The following NOL4 variants were observed in gnomAD, a reference collection of about 807,000 sequenced individuals.
The protein encoded by NOL4 is cancer/testis antigen 125.
NOL4 carries 17 observed loss-of-function variants against 75.9 expected under a neutral mutation model. The observed-to-expected ratio is 0.22, with a 90% CI of 0.15 to 0.34. The LOEUF (loss-of-function observed/expected upper bound fraction) is 0.34. Among genes scored for constraint, NOL4 ranks in the 10% least tolerant of loss-of-function variants. NOL4 has a pLI of 1.00. For synonymous variants in NOL4, 292 were observed against 289.9 expected, an observed-to-expected ratio of 1.01 and a Z score of -0.07; for missense variants, 614 against 793.5, an observed-to-expected ratio of 0.77 and a Z score of 2.72.
chr18:34,063,571 C>T (rs1451847475), intron 5 of NOL4, among the ~76,000 whole-genome samples: 2 of 152,002 alleles, frequency 1.3e-5, no homozygotes, highest in East Asian at 1.9e-4. Context: ...GGTTTTCGCT[C>T]TTGCACTTAA....
chr18:33,999,564 T>C (rs911881543), intron 6 of NOL4, among the ~76,000 whole-genome samples: 6 of 152,012 alleles, frequency 3.9e-5, no homozygotes, highest in African/African-American at 1.4e-4. Flanking sequence ...TGGGACCAGA[T>C]GTTTCAGAGG....
intron 10 of NOL4, among the ~76,000 whole-genome samples, chr18:33,857,301 C>G (rs1179195236): frequency 3.3e-5 from 5 of 151,966 alleles, no homozygotes; most frequent in Non-Finnish European, 5.9e-5. Flanking sequence ...CCACGCAAAT[C>G]TGCTTGGGAA....
chr18:33,910,760 G>A (rs1429412658), intron 9 of NOL4, among the ~76,000 whole-genome samples: 1 of 152,056 alleles, frequency 6.6e-6, no homozygotes, highest in East Asian at 1.9e-4. Context: ...AACTCATTTT[G>A]GGGGTTTTGG....
At chr18:33,891,367 T>C (rs2065084016) in intron 9 of NOL4, among the ~76,000 whole-genome samples, 1 of 152,086 alleles carries the variant, frequency 6.6e-6, no homozygotes, top group Non-Finnish European at 1.5e-5. Flanking sequence ...TTTCTTCTAT[T>C]TTACACTTAT....
chr18:34,222,798 CAA>C (rs2037413914), intron 1 of NOL4, among the ~76,000 whole-genome samples, 190 bp downstream of exon 1: 1 of 152,120 alleles, frequency 6.6e-6, no homozygotes, highest in Non-Finnish European at 1.5e-5. Flanking sequence ...TAAAGGACCA[CAA>C]AGACTGTACA....
intron 5 of NOL4, among the ~76,000 whole-genome samples, chr18:34,060,421 A>G (rs2077023461): frequency 6.6e-6 from 1 of 152,178 alleles, no homozygotes; most frequent in Non-Finnish European, 1.5e-5. Context: ...ACTTATTTAC[A>G]TATCCCAACC....
chr18:34,118,910 A>G (rs1334577862), intron 2 of NOL4, among the ~76,000 whole-genome samples: 1 of 152,214 alleles, frequency 6.6e-6, no homozygotes, highest in Non-Finnish European at 1.5e-5. Flanking sequence ...GACATTTTCA[A>G]CTACATATTT....
At chr18:34,133,475 TTAATA>T (rs1332511872) in intron 1 of NOL4, among the ~76,000 whole-genome samples, 3 of 151,664 alleles carry the variant, frequency 2.0e-5, no homozygotes, top group Middle Eastern at 3.2e-3. Context: ...ATAATACAAA[TTAATA>T]TAATGTAATG....
At chr18:34,108,399 T>A (rs2079416164) in intron 2 of NOL4, among the ~76,000 whole-genome samples, 1 of 151,196 alleles carries the variant, frequency 6.6e-6, no homozygotes, top group Admixed American at 6.6e-5. Flanking sequence ...AAAGTCAGAG[T>A]GGCTAAATGA....
chr18:34,217,913 C>T (rs547863201), intron 1 of NOL4, among the ~76,000 whole-genome samples: 2 of 152,024 alleles, frequency 1.3e-5, no homozygotes, highest in Admixed American at 1.3e-4. Context: ...TTAGCCGACC[C>T]AGAACTCCAG....
chr18:33,992,448 T>C (rs2072991237), intron 6 of NOL4, among the ~76,000 whole-genome samples: 3 of 151,984 alleles, frequency 2.0e-5, no homozygotes, highest in Non-Finnish European at 4.4e-5. Context: ...AAAAAGTCTC[T>C]GGAAGTCATC....
intron 2 of NOL4, among the ~76,000 whole-genome samples, chr18:34,122,292 G>C (rs900559281): frequency 6.6e-6 from 1 of 152,098 alleles, no homozygotes; most frequent in Non-Finnish European, 1.5e-5. Context: ...AGACAACTAA[G>C]TCTGCTGCTC....
chr18:33,902,234 A>G (rs1599806287), intron 9 of NOL4, among the ~76,000 whole-genome samples: 1 of 152,096 alleles, frequency 6.6e-6, no homozygotes, highest in African/African-American at 2.4e-5. Flanking sequence ...TTCTTAAGGC[A>G]TTGGTTTGCT....
rs182647400 is a variant in NOL4 at position 33,883,220 on chromosome 18, A to C, written c.1723+24T>G. Reference sequence around the variant, plus strand: ...TTAAAGTATAATAATTAAAAAAAAAACACAATCTATGATAAATACTCACCA... The same window carrying C: ...TTAAAGTATAATAATTAAAAAAAAACCACAATCTATGATAAATACTCACCA... On this transcript the variant is annotated intron_variant, in intron 10 of 10. Transcript: ENST00000261592. 787 of 1,537,376 alleles carry C rather than the reference A, an allele frequency of 5.1e-4. 1 individual carries two copies. In the African/African-American group the frequency reaches 8.9e-3, roughly 17 times the overall value.
intron 6 of NOL4, among the ~76,000 whole-genome samples, chr18:33,999,162 A>G (rs76089262): frequency 1.0e-5 from 1 of 98,846 alleles, no homozygotes; most frequent in Admixed American, 1.1e-4. Flanking sequence ...TTTTTTTTTT[A>G]GACAGTCTGC....
chr18:33,989,031 CA>C (rs911480181), intron 6 of NOL4, among the ~76,000 whole-genome samples: 9 of 151,104 alleles, frequency 6.0e-5, no homozygotes, highest in African/African-American at 2.2e-4. Context: ...CCCATTTCTA[CA>C]AAAAATTAGC....
chr18:34,151,089 C>A (rs8084345), intron 1 of NOL4, among the ~76,000 whole-genome samples: 2,322 of 151,782 alleles, frequency 0.015, 60 homozygotes, highest in African/African-American at 0.054. Flanking sequence ...GGATATGGAG[C>A]AAAAAGAACG....
At chr18:34,016,756 T>C (rs1021039891) in intron 6 of NOL4, among the ~76,000 whole-genome samples, 5 of 152,108 alleles carry the variant, frequency 3.3e-5, no homozygotes, top group African/African-American at 1.2e-4. Context: ...ACTTACAGAA[T>C]CAGACTGTAA....
intron 8 of NOL4, among the ~76,000 whole-genome samples, chr18:33,951,375 T>C (rs1201786474): frequency 6.6e-6 from 1 of 152,164 alleles, no homozygotes; most frequent in African/African-American, 2.4e-5. Context: ...TTGTAGATAA[T>C]GTGTTATTTC....
Sources: allele counts gnomAD v4.1 joint callset (sites outside exome capture counted in the v4.1 genomes callset), GRCh38; gene constraint gnomAD v4.1.1; transcripts MANE v1.5; gene names NCBI Gene and HGNC (gene_info 2026-07-23, HGNC 2026-07-21).